LRP1B: variants seen among roughly 807,000 people sequenced by gnomAD.
The protein encoded by LRP1B is low-density lipoprotein receptor-related protein 1B.
In LRP1B, 217 loss-of-function variants were observed where a neutral mutation model predicts 556.6. The ratio of observed to expected loss-of-function variants is 0.39; its 90% CI spans 0.35 to 0.44. LRP1B has a LOEUF of 0.44. Among genes scored for constraint, LRP1B ranks in the 20% least tolerant of loss-of-function variants. The pLI, the probability that LRP1B is intolerant of heterozygous loss-of-function variation, is 1.00. For synonymous variants in LRP1B, 2,047 were observed against 1,865.8 expected, an observed-to-expected ratio of 1.10 and a Z score of -2.50; for missense variants, 5,053 against 5,620.8, an observed-to-expected ratio of 0.90 and a Z score of 3.23.
intron 32 of LRP1B, among the ~76,000 whole-genome samples, chr2:140,808,142 T>C (rs1690789642): frequency 6.7e-6 from 1 of 150,282 alleles, no homozygotes; most frequent in African/African-American, 2.4e-5. Context: ...AATTTGATGT[T>C]CAGAGCTATA....
intron 41 of LRP1B, among the ~76,000 whole-genome samples, chr2:140,617,048 G>A (rs926282838): frequency 1.3e-5 from 2 of 151,802 alleles, no homozygotes; most frequent in Admixed American, 6.6e-5. Flanking sequence ...AATGATGTGG[G>A]GACTCGGGTG....
At chr2:140,566,911 A>G (rs1681148221) in intron 43 of LRP1B, among the ~76,000 whole-genome samples, 1 of 152,148 alleles carries the variant, frequency 6.6e-6, no homozygotes, top group South Asian at 2.1e-4. Flanking sequence ...GGGATGCACT[A>G]CATCCCAGGG....
intron 3 of LRP1B, among the ~76,000 whole-genome samples, chr2:141,347,435 T>A (rs944364439): frequency 6.6e-6 from 1 of 151,572 alleles, no homozygotes; most frequent in Non-Finnish European, 1.5e-5. Context: ...CTTAAAAGTA[T>A]GTGTTAAATT....
chr2:140,898,657 G>C (rs980891069), intron 23 of LRP1B: 2 of 439,316 alleles, frequency 4.6e-6, no homozygotes, highest in South Asian at 3.3e-5. Context: ...TGCCTAATGA[G>C]ATTATGCAAT....
At chr2:140,328,069 G>A (rs1680589358) in intron 79 of LRP1B, among the ~76,000 whole-genome samples, 1 of 151,932 alleles carries the variant, frequency 6.6e-6, no homozygotes. Flanking sequence ...AAAAGTTCAT[G>A]TCTATCTTTA....
chr2:141,303,557 G>A (rs1686473170), intron 3 of LRP1B, among the ~76,000 whole-genome samples: 1 of 152,024 alleles, frequency 6.6e-6, no homozygotes, highest in Non-Finnish European at 1.5e-5. Context: ...TCAGTGCCAG[G>A]TTTATTTTAC....
intron 2 of LRP1B, among the ~76,000 whole-genome samples, chr2:141,511,871 G>A (rs16846372): frequency 0.031 from 4,720 of 152,230 alleles, 268 homozygotes; most frequent in African/African-American, 0.1. Flanking sequence ...TTGAGCTAAT[G>A]GATTATTTCC....
chr2:141,280,600 G>A (rs1685475561), intron 3 of LRP1B, among the ~76,000 whole-genome samples: 1 of 151,892 alleles, frequency 6.6e-6, no homozygotes, highest in Admixed American at 6.6e-5. Flanking sequence ...TTAGGATGCA[G>A]AACGCTTAAT....
At chr2:141,067,847 G>C (rs1479936203) in intron 7 of LRP1B, among the ~76,000 whole-genome samples, 1 of 151,896 alleles carries the variant, frequency 6.6e-6, no homozygotes, top group Non-Finnish European at 1.5e-5. Flanking sequence ...AAGGTGATCT[G>C]GTAGCATGGG....
intron 7 of LRP1B, among the ~76,000 whole-genome samples, chr2:141,156,570 G>A (rs901179797): frequency 2.0e-5 from 3 of 151,558 alleles, no homozygotes; most frequent in African/African-American, 4.9e-5. Context: ...GGGGGTTGCC[G>A]TGAGCCGAGA....
chr2:141,778,014 C>G (rs982335606), intron 2 of LRP1B, among the ~76,000 whole-genome samples: 5 of 152,070 alleles, frequency 3.3e-5, no homozygotes, highest in Non-Finnish European at 7.4e-5. Context: ...CAGTTACATG[C>G]AATGATAAGT....
At chr2:140,282,146 G>A (rs1682940814) in intron 84 of LRP1B, among the ~76,000 whole-genome samples, 1 of 151,722 alleles carries the variant, frequency 6.6e-6, no homozygotes, top group Non-Finnish European at 1.5e-5. Context: ...ATTAAATCAT[G>A]CCCAAGATTA....
At chr2:140,399,181 A>C (rs2105224853) in intron 66 of LRP1B, among the ~76,000 whole-genome samples, 1 of 152,090 alleles carries the variant, frequency 6.6e-6, no homozygotes, top group Admixed American at 6.6e-5. Flanking sequence ...ACACACACAC[A>C]CACACACACC....
At chr2:141,291,992 C>T (rs1157211578) in intron 3 of LRP1B, among the ~76,000 whole-genome samples, 6 of 151,850 alleles carry the variant, frequency 4.0e-5, no homozygotes, top group African/African-American at 1.2e-4. Context: ...AACCCCAATG[C>T]GATGAACTAC....
intron 41 of LRP1B, among the ~76,000 whole-genome samples, chr2:140,649,471 A>G (rs183469717): frequency 4.7e-4 from 71 of 152,358 alleles, no homozygotes; most frequent in Non-Finnish European, 8.4e-4. Flanking sequence ...TCCCCAGACT[A>G]CATGCTACTG....
At chr2:141,583,162 G>A (rs1687012695) in intron 2 of LRP1B, among the ~76,000 whole-genome samples, 2 of 152,054 alleles carry the variant, frequency 1.3e-5, no homozygotes, top group Admixed American at 6.6e-5. Flanking sequence ...ATAAATTCAA[G>A]TCAAGTGAAC....
At chr2:141,549,927 G>GGAGGTTGCAGTAAGCC (rs1258614535) in intron 2 of LRP1B, among the ~76,000 whole-genome samples, 11 of 152,174 alleles carry the variant, frequency 7.2e-5, no homozygotes, top group African/African-American at 2.7e-4. Flanking sequence ...CCTAGGAGGC[G>GGAGGTTGCAGTAAGCC]GAGGTTGCAG....
chr2:140,446,981 A>C (rs1411769573), intron 63 of LRP1B, among the ~76,000 whole-genome samples: 2 of 151,084 alleles, frequency 1.3e-5, no homozygotes, highest in African/African-American at 4.9e-5. Flanking sequence ...AGAAAAAAAA[A>C]CTCACTGAAA....
chr2:140,488,959 C>T (rs944131029), intron 57 of LRP1B, among the ~76,000 whole-genome samples: 45 of 151,898 alleles, frequency 3.0e-4, no homozygotes, highest in African/African-American at 1.0e-3. Flanking sequence ...TCAACATCTA[C>T]TCTCAAAATT....
Sources: gnomAD v4.1 joint callset for allele counts (sites outside exome capture counted in the v4.1 genomes callset) on GRCh38, gnomAD v4.1.1 for gene constraint, MANE v1.5 for transcripts, NCBI Gene and HGNC (gene_info 2026-07-23, HGNC 2026-07-21) for gene names.